The following CSMD1 variants were observed in gnomAD, a reference collection of about 807,000 sequenced individuals.
CSMD1 encodes the protein CUB and sushi domain-containing protein 1.
In CSMD1, 213 loss-of-function variants were observed where a neutral mutation model predicts 417.5. The observed-to-expected ratio is 0.51, with a 90% confidence interval of 0.46 to 0.57. The LOEUF (loss-of-function observed/expected upper bound fraction) is 0.57, where lower values mean the gene tolerates loss of function less well. Among genes scored for constraint, CSMD1 ranks in the 20% least tolerant of loss-of-function variants. The probability of loss-of-function intolerance (pLI) is 0.00; values close to 1 mark genes in which losing one functional copy is unlikely to be tolerated. For missense variants in CSMD1, 6,923 were observed against 4,529.7 expected (o/e 1.53, Z -15.17); for synonymous variants, 2,862 against 1,736.8 (o/e 1.65, Z -16.11).
At chr8:4,286,003 C>T (rs921053092) in intron 3 of CSMD1, among the ~76,000 whole-genome samples, 1 of 152,124 alleles carries the variant, frequency 6.6e-6, no homozygotes, top group African/African-American at 2.4e-5. Flanking sequence ...TGACAGCAAG[C>T]AGGTTTGTAA....
intron 10 of CSMD1, among the ~76,000 whole-genome samples, chr8:3,560,860 A>G (rs1799439823): frequency 6.6e-6 from 1 of 152,204 alleles, no homozygotes; most frequent in South Asian, 2.1e-4. Flanking sequence ...GGTCTTTTGT[A>G]GAATTTCATC....
At chr8:3,257,942 G>A (rs1465100488) in intron 26 of CSMD1, among the ~76,000 whole-genome samples, 1 of 152,170 alleles carries the variant, frequency 6.6e-6, no homozygotes. Flanking sequence ...TGTAGCCACT[G>A]TGTTCAGGAC....
rs957686204 is a variant in CSMD1, at chr8:4,259,998, A to G, written c.415+159955T>C. Among the ~76,000 whole-genome samples the G allele has an allele frequency of 1.0e-4, 15 of 149,054 alleles. No individual in the cohort carries two copies. The Middle Eastern group carries it at 0.014, about 140-fold the overall frequency. On this transcript the variant is annotated intron_variant, in intron 3 of 69. Coordinates refer to ENST00000635120, the MANE Select transcript of CSMD1 (RefSeq NM_033225.6). ...TATTGATAACAGACCTATAAAGCAC[A>G]TCAGTTAACATGTCTTCTTGTGCAC...
chr8:2,965,903 G>T lies in CSMD1; in HGVS notation c.9152C>A (p.Thr3051Asn). The change falls in exon 59 of 70, where the codon ACC becomes AAC. Residue 3051 changes from threonine (T) to asparagine (N), a missense_variant. Coordinates refer to ENST00000635120, the MANE Select transcript of CSMD1 (RefSeq NM_033225.6). ...CACAGTCTTGTTGAAGGTGAAGTCG[G>T]TCCCAAACTGGATGCCATTTGCTAG... ...GTLANGIQFG[T>N]DFTFNKTVSY... is the part of the protein sequence containing the mutation. 6.2e-7 allele frequency: 1 copy of T among 1,610,150 alleles called. No homozygotes were observed. The highest frequency in any genetic ancestry group is 1.3e-5 in the African/African-American group (1 of 74,984).
intron 18 of CSMD1, among the ~76,000 whole-genome samples, chr8:3,371,647 T>C (rs773310912): frequency 6.6e-6 from 1 of 152,200 alleles, no homozygotes; most frequent in East Asian, 1.9e-4. Context: ...ACAAATAATA[T>C]TCACAAAAGA....
chr8:4,455,602 A>T (rs1799418646), intron 2 of CSMD1, among the ~76,000 whole-genome samples: 1 of 151,972 alleles, frequency 6.6e-6, no homozygotes, highest in South Asian at 2.1e-4. Context: ...GAATTTTTAA[A>T]TCATCTTATT....
intron 1 of CSMD1, among the ~76,000 whole-genome samples, chr8:4,866,848 C>T (rs560171331): frequency 6.6e-6 from 1 of 152,000 alleles, no homozygotes; most frequent in Admixed American, 6.5e-5. Flanking sequence ...AAAATTATAA[C>T]TTTACCATTA....
intron 1 of CSMD1, among the ~76,000 whole-genome samples, chr8:4,719,871 C>CA (rs1291826670): frequency 1.3e-5 from 2 of 152,030 alleles, no homozygotes; most frequent in African/African-American, 4.8e-5. Context: ...GGAAAGGACT[C>CA]CCTATGCAGG....
chr8:4,742,835 T>C (rs934806696), intron 1 of CSMD1, among the ~76,000 whole-genome samples: 1 of 152,202 alleles, frequency 6.6e-6, no homozygotes, highest in Non-Finnish European at 1.5e-5. Flanking sequence ...CATTTTTATA[T>C]ATCAAATTGC....
intron 3 of CSMD1, among the ~76,000 whole-genome samples, chr8:4,056,408 C>CT (rs1210370103): frequency 8.2e-4 from 117 of 143,098 alleles, no homozygotes; most frequent in African/African-American, 2.4e-3. Context: ...TTTTTTTTTT[C>CT]TTTTTTTTTT....
intron 12 of CSMD1, among the ~76,000 whole-genome samples, chr8:3,446,496 T>A (rs537658166): frequency 6.6e-6 from 1 of 152,160 alleles, no homozygotes; most frequent in African/African-American, 2.4e-5. Flanking sequence ...AATTACTGAG[T>A]AGTTCATGGT....
chr8:3,293,176 A>G (rs1387211644), intron 25 of CSMD1, among the ~76,000 whole-genome samples: 1 of 151,942 alleles, frequency 6.6e-6, no homozygotes, highest in East Asian at 1.9e-4. Context: ...TGGCTTGTAG[A>G]GTTTTTGCCG....
intron 1 of CSMD1, among the ~76,000 whole-genome samples, chr8:4,723,945 C>T (rs990248153): frequency 2.6e-5 from 4 of 151,986 alleles, no homozygotes; most frequent in African/African-American, 4.8e-5. Context: ...GAGTAACTTG[C>T]CTAGATAAGT....
At chr8:4,222,902 A>T (rs145825524) in intron 3 of CSMD1, among the ~76,000 whole-genome samples, 18 of 152,218 alleles carry the variant, frequency 1.2e-4, no homozygotes, top group Non-Finnish European at 2.1e-4. Context: ...TGGGCAAGTG[A>T]AAGTTATGCA....
At chr8:4,675,244 T>G (rs1473787219) in intron 1 of CSMD1, among the ~76,000 whole-genome samples, 1 of 152,218 alleles carries the variant, frequency 6.6e-6, no homozygotes, top group Non-Finnish European at 1.5e-5. Context: ...ATGCAGTATT[T>G]AAAACACTTA....
intron 3 of CSMD1, among the ~76,000 whole-genome samples, chr8:4,300,533 TAC>T (rs1162129384): frequency 1.3e-5 from 2 of 152,208 alleles, no homozygotes; most frequent in Admixed American, 1.3e-4. Flanking sequence ...GACTTTTTTT[TAC>T]ATTTTATTAT....
intron 5 of CSMD1, among the ~76,000 whole-genome samples, chr8:3,890,204 C>T (rs1023773431): frequency 1.3e-5 from 2 of 152,078 alleles, no homozygotes; most frequent in Admixed American, 6.6e-5. Context: ...AAGAAGAATA[C>T]AATTTTACTT....
At chr8:3,306,196 A>G (rs1804831932) in intron 25 of CSMD1, among the ~76,000 whole-genome samples, 1 of 152,160 alleles carries the variant, frequency 6.6e-6, no homozygotes, top group African/African-American at 2.4e-5. Flanking sequence ...TCTATGTGTA[A>G]TACACATTAC....
chr8:4,399,230 T>C (rs926279066), intron 3 of CSMD1, among the ~76,000 whole-genome samples: 1 of 152,200 alleles, frequency 6.6e-6, no homozygotes, highest in Non-Finnish European at 1.5e-5. Flanking sequence ...TGACAAACCG[T>C]ATTTCCCCTT....
Sources: allele counts gnomAD v4.1 joint callset (sites outside exome capture counted in the v4.1 genomes callset), GRCh38; gene constraint gnomAD v4.1.1; transcripts MANE v1.5; gene names NCBI Gene and HGNC (gene_info 2026-07-23, HGNC 2026-07-21).